The following FRMD4B variants were observed in gnomAD, a reference collection of about 807,000 sequenced individuals.
FRMD4B encodes FERM domain containing 4B.
FRMD4B carries 74 observed loss-of-function variants against 141.5 expected under a neutral mutation model. The ratio of observed to expected loss-of-function variants is 0.52; its 90% CI spans 0.43 to 0.63. FRMD4B has a LOEUF of 0.63. Ranked by LOEUF, FRMD4B falls within the 30% of genes least tolerant of loss-of-function variation. FRMD4B has a pLI of 0.00. For synonymous variants in FRMD4B, 506 were observed against 467.9 expected, an observed-to-expected ratio of 1.08 and a Z score of -1.05; for missense variants, 1,366 against 1,253.4, an observed-to-expected ratio of 1.09 and a Z score of -1.36.
intron 7 of FRMD4B, among the ~76,000 whole-genome samples, chr3:69,247,590 A>G (rs908425129): frequency 2.0e-5 from 3 of 151,968 alleles, no homozygotes; most frequent in Non-Finnish European, 4.4e-5. Context: ...AGGTTCAAGC[A>G]ATTCTCCTGC....
intron 1 of FRMD4B, among the ~76,000 whole-genome samples, chr3:69,371,602 A>G (rs908302660): frequency 1.3e-5 from 2 of 152,218 alleles, no homozygotes; most frequent in African/African-American, 4.8e-5. Context: ...AAACCAGCTA[A>G]GAAATGAGGG....
Sources: allele counts gnomAD v4.1 joint callset (sites outside exome capture counted in the v4.1 genomes callset), GRCh38; gene constraint gnomAD v4.1.1; transcripts MANE v1.5; gene names NCBI Gene and HGNC (gene_info 2026-07-23, HGNC 2026-07-21).